The following COL5A2 variants were observed in gnomAD, a reference collection of about 807,000 sequenced individuals.
COL5A2 encodes the protein collagen alpha-2(V) chain.
A neutral mutation model predicts 208.2 loss-of-function variants in COL5A2; 23 were observed. The ratio of observed to expected loss-of-function variants is 0.11; its 90% CI spans 0.08 to 0.16. The LOEUF is 0.16. Ranked by LOEUF, COL5A2 falls within the 10% of genes least tolerant of loss-of-function variation. The pLI, the probability that COL5A2 is intolerant of heterozygous loss-of-function variation, is 1.00. For missense variants in COL5A2, 1,590 were observed against 1,956.4 expected, an observed-to-expected ratio of 0.81 and a Z score of 3.53; for synonymous variants, 625 against 628.5, an observed-to-expected ratio of 0.99 and a Z score of 0.08.
the COL5A2 span, among the ~76,000 whole-genome samples, chr2:189,267,048 C>T: frequency 6.6e-6 from 1 of 151,694 alleles, no homozygotes. Flanking sequence ...ATGAAACCAA[C>T]AAGAATATAT....
At chr2:189,058,620 T>G in intron 32 of COL5A2, 93 bp from the exon 33 acceptor site, 1 of 1,191,352 alleles carries the variant, frequency 8.4e-7, no homozygotes, top group Non-Finnish European at 1.2e-6. Context: ...GCGGAAAAAT[T>G]CAGAAATGAG....
At chr2:189,098,599 C>T in intron 5 of COL5A2, 128 bp downstream of exon 5, 2 of 778,720 alleles carry the variant, frequency 2.6e-6, no homozygotes, top group Non-Finnish European at 4.4e-6. Flanking sequence ...TGGTTTAAGA[C>T]AAAATGTTTT....
At position 189,031,949 on chromosome 2, in the gene COL5A2, G is replaced by C. The variant is rs1183996974; in HGVS notation, c.*2121C>G. ...CATTCCCAAAATCCAAATAAGAACT[G>C]TTATTTCTATAGTTGGAAATTGTTA... On this transcript the variant is annotated 3_prime_UTR_variant, in exon 54 of 54. Transcript: ENST00000374866. The C allele has an allele frequency of 6.6e-6, 1 of 151,952 alleles. No homozygotes were observed. Among genetic ancestry groups the C allele is most frequent in the African/African-American group, 2.4e-5 (1 of 41,382 alleles). 9.4% of individuals were successfully genotyped at this position (151,952 alleles called of 1,614,324 possible).
At chr2:189,191,167 C>CAAAAAAAAAAAAAAAAAA (rs1688921444) in intron 1 of COL5A2, among the ~76,000 whole-genome samples, 1 of 124,888 alleles carries the variant, frequency 8.0e-6, no homozygotes, top group Non-Finnish European at 1.6e-5. Context: ...AACAAACAAA[C>CAAAAAAAAAAAAAAAAAA]AACAAAAAAC....
intron 17 of COL5A2, among the ~76,000 whole-genome samples, chr2:189,072,550 T>C (rs1686297976): frequency 6.6e-6 from 1 of 152,224 alleles, no homozygotes; most frequent in East Asian, 1.9e-4. Context: ...GGCAGGCAGA[T>C]CACCTGAGGT....
chr2:189,301,450 TTGTA>T, the COL5A2 span, among the ~76,000 whole-genome samples: 13 of 152,246 alleles, frequency 8.5e-5, no homozygotes, highest in East Asian at 2.5e-3. Flanking sequence ...GTTACCAAAT[TTGTA>T]TGTGTTTATT....
chr2:189,218,278 G>T (rs559249423), intron 1 of COL5A2, among the ~76,000 whole-genome samples: 2 of 152,310 alleles, frequency 1.3e-5, no homozygotes, highest in South Asian at 4.1e-4. Context: ...AATGTAGCTA[G>T]TTAAGGCCAT....
chr2:189,051,954 G>T (rs1685799297), intron 41 of COL5A2, among the ~76,000 whole-genome samples: 1 of 151,718 alleles, frequency 6.6e-6, no homozygotes, highest in Non-Finnish European at 1.5e-5. Context: ...AAAACATTGG[G>T]GCTAAAAAGA....
chr2:189,057,460 A>G, intron 33 of COL5A2, 33 bp from the exon 34 acceptor site: 3 of 1,468,702 alleles, frequency 2.0e-6, no homozygotes, highest in African/African-American at 1.4e-5. Flanking sequence ...GACCATACCA[A>G]TAATATTAAG....
At chr2:189,259,366 A>G in the COL5A2 span, among the ~76,000 whole-genome samples, 3 of 152,232 alleles carry the variant, frequency 2.0e-5, no homozygotes, top group African/African-American at 7.2e-5. Context: ...TTTTAACCTC[A>G]GTAACAGTAT....
chr2:189,242,453 C>T, the COL5A2 span, among the ~76,000 whole-genome samples: 16 of 152,202 alleles, frequency 1.1e-4, no homozygotes, highest in Non-Finnish European at 2.9e-5. Context: ...ACATGAAGCC[C>T]TTCTTCTTTT....
At chr2:189,073,435 C>T (rs1399688117) in intron 17 of COL5A2, among the ~76,000 whole-genome samples, 3 of 152,242 alleles carry the variant, frequency 2.0e-5, no homozygotes, top group African/African-American at 7.2e-5. Flanking sequence ...CCTGCAACAG[C>T]TATCCACATT....
chr2:189,092,836 C>T (rs914376192), intron 6 of COL5A2, among the ~76,000 whole-genome samples: 1 of 152,126 alleles, frequency 6.6e-6, no homozygotes, highest in African/African-American at 2.4e-5. Flanking sequence ...ACTATGTATA[C>T]GTCTGCTTAA....
At chr2:189,102,595 T>G (rs1337384334) in intron 3 of COL5A2, among the ~76,000 whole-genome samples, 1 of 152,112 alleles carries the variant, frequency 6.6e-6, no homozygotes, top group African/African-American at 2.4e-5. Flanking sequence ...CAGATGTGCA[T>G]TACAATTACT....
chr2:189,401,583 T>C, the COL5A2 span, among the ~76,000 whole-genome samples: 1 of 152,184 alleles, frequency 6.6e-6, no homozygotes, highest in South Asian at 2.1e-4. Flanking sequence ...ATATACCCAG[T>C]AATGGGTTGA....
At chr2:189,105,130 C>T (rs1343753626) in intron 2 of COL5A2, among the ~76,000 whole-genome samples, 2 of 151,604 alleles carry the variant, frequency 1.3e-5, no homozygotes, top group Non-Finnish European at 3.0e-5. Flanking sequence ...TTTTCCTAGG[C>T]AAGCTAGAAT....
intron 7 of COL5A2, among the ~76,000 whole-genome samples, chr2:189,089,923 CACA>C (rs1457162891): frequency 6.6e-6 from 1 of 152,116 alleles, no homozygotes; most frequent in African/African-American, 2.4e-5. Context: ...TTCCCTGAGA[CACA>C]ACAACATTAA....
the COL5A2 span, among the ~76,000 whole-genome samples, chr2:189,280,166 C>G: frequency 6.6e-6 from 1 of 152,086 alleles, no homozygotes; most frequent in Non-Finnish European, 1.5e-5. Flanking sequence ...ATAAGTCACT[C>G]AGTTTATCTT....
At chr2:189,104,223 AG>A in intron 3 of COL5A2, 40 bp downstream of exon 3, 1 of 1,423,258 alleles carries the variant, frequency 7.0e-7, no homozygotes, top group East Asian at 2.3e-5. Context: ...ATTGGATATA[AG>A]TCTGCTTATG....
Sources: gnomAD v4.1 joint callset for allele counts (sites outside exome capture counted in the v4.1 genomes callset) on GRCh38, gnomAD v4.1.1 for gene constraint, MANE v1.5 for transcripts, NCBI Gene and HGNC (gene_info 2026-07-23, HGNC 2026-07-21) for gene names.